Variants in PDE4D observed in about 807,000 individuals in gnomAD.
The protein encoded by PDE4D is phosphodiesterase 4D.
Under a neutral mutation model 87.4 loss-of-function variants are expected in PDE4D, and 24 were observed. The observed-to-expected ratio is 0.27, with a 90% CI of 0.20 to 0.39. The LOEUF is 0.39. Among genes scored for constraint, PDE4D ranks in the 10% least tolerant of loss-of-function variants. The pLI is 1.00. For synonymous variants in PDE4D, 384 were observed against 383.2 expected (o/e 1.00, Z -0.02); for missense variants, 714 against 1,041.0 (o/e 0.69, Z 4.32).
intron 3 of PDE4D, among the ~76,000 whole-genome samples, chr5:59,941,136 C>T (rs1324295394): frequency 6.6e-6 from 1 of 152,168 alleles, no homozygotes; most frequent in African/African-American, 2.4e-5. Context: ...ATTTCCTTCA[C>T]AGTCAGGTGA....
chr5:59,589,606 G>T (rs1359830666), intron 1 of PDE4D, among the ~76,000 whole-genome samples: 1 of 152,128 alleles, frequency 6.6e-6, no homozygotes, highest in Admixed American at 6.5e-5. Flanking sequence ...TCATTTATCT[G>T]ACATTATTTT....
At chr5:59,255,103 T>C (rs1185353247) in intron 1 of PDE4D, among the ~76,000 whole-genome samples, 4 of 152,104 alleles carry the variant, frequency 2.6e-5, no homozygotes, top group African/African-American at 9.7e-5. Context: ...CACAAAATCT[T>C]TTGCATAAAT....
At chr5:59,228,607 A>C (rs1398520425) in intron 1 of PDE4D, among the ~76,000 whole-genome samples, 2 of 152,076 alleles carry the variant, frequency 1.3e-5, no homozygotes, top group African/African-American at 4.8e-5. Context: ...CCAGCCACCC[A>C]CCCACATTTA....
chr5:59,653,162 G>A (rs1304748119), intron 1 of PDE4D, among the ~76,000 whole-genome samples: 2 of 150,028 alleles, frequency 1.3e-5, no homozygotes, highest in African/African-American at 4.9e-5. Flanking sequence ...CTACATAGAT[G>A]CATACTGAAC....
In PDE4D at chr5:58,992,003, A is replaced by G. The variant is rs1748022088; in HGVS notation, c.1017T>C (p.Asp339=). ...VSEFISNTFL[D]KQHEVEIPSP... is the part of the protein sequence containing the mutation. ...AAGGAATTTCCACTTCATGTTGCTTATCTTGAGAAATTTAGAAAATGTTCT... is the reference window on the plus strand; with the variant it reads ...AAGGAATTTCCACTTCATGTTGCTTGTCTTGAGAAATTTAGAAAATGTTCT... The change falls in exon 8 of 15, where the codon GAT becomes GAC. Residue 339 remains aspartate, a splice_region_variant and synonymous_variant. Transcript: ENST00000340635. 1 of 1,539,140 alleles carries G rather than the reference A, an allele frequency of 6.5e-7. No homozygotes were observed. The highest frequency in any genetic ancestry group is 1.4e-5 in the African/African-American group (1 of 71,990).
intron 5 of PDE4D, among the ~76,000 whole-genome samples, chr5:59,090,025 G>A (rs1159664095): frequency 2.6e-5 from 4 of 152,088 alleles, no homozygotes; most frequent in Non-Finnish European, 4.4e-5. Context: ...AAGCAAGAAG[G>A]TATGAAGTCT....
At chr5:59,087,929 GTA>G (rs1768010512) in intron 5 of PDE4D, among the ~76,000 whole-genome samples, 1 of 152,122 alleles carries the variant, frequency 6.6e-6, no homozygotes, top group African/African-American at 2.4e-5. Context: ...TCTTGAAATG[GTA>G]TGTGTGAACC....
At chr5:60,262,080 T>A (rs1258239765) in intron 1 of PDE4D, among the ~76,000 whole-genome samples, 1 of 152,076 alleles carries the variant, frequency 6.6e-6, no homozygotes, top group African/African-American at 2.4e-5. Flanking sequence ...ATAAGCAAGC[T>A]AAAGTCCTTC....
At chr5:59,443,306 C>G (rs1797905287) in intron 1 of PDE4D, among the ~76,000 whole-genome samples, 1 of 152,106 alleles carries the variant, frequency 6.6e-6, no homozygotes, top group Non-Finnish European at 1.5e-5. Context: ...ATGAATTTGA[C>G]AATCTGATCA....
intron 1 of PDE4D, among the ~76,000 whole-genome samples, chr5:60,493,201 T>C (rs1173087110): frequency 1.3e-5 from 2 of 152,102 alleles, no homozygotes; most frequent in East Asian, 3.8e-4. Flanking sequence ...ATTCATATGA[T>C]AGTTGGTACA....
chr5:60,041,835 C>T (rs1468603600), intron 2 of PDE4D, among the ~76,000 whole-genome samples: 3 of 152,144 alleles, frequency 2.0e-5, no homozygotes, highest in Non-Finnish European at 4.4e-5. Context: ...TGGGTTCCTA[C>T]ACCACCAGGA....
chr5:59,806,620 T>G (rs1767764287), intron 1 of PDE4D, among the ~76,000 whole-genome samples: 1 of 152,232 alleles, frequency 6.6e-6, no homozygotes, highest in Non-Finnish European at 1.5e-5. Context: ...TCAAGTTTAT[T>G]ATTTCTTGAA....
chr5:60,382,773 T>C (rs1270678170), intron 1 of PDE4D, among the ~76,000 whole-genome samples: 1 of 152,196 alleles, frequency 6.6e-6, no homozygotes, highest in African/African-American at 2.4e-5. Flanking sequence ...AATACATGTT[T>C]ATGGCTATCT....
At chr5:59,273,135 A>G (rs571355127) in intron 1 of PDE4D, among the ~76,000 whole-genome samples, 1 of 152,284 alleles carries the variant, frequency 6.6e-6, no homozygotes, top group African/African-American at 2.4e-5. Flanking sequence ...AAAAGAGATA[A>G]ATGGCAAAGT....
chr5:59,782,739 G>T (rs1399650164), intron 1 of PDE4D, among the ~76,000 whole-genome samples: 1 of 152,152 alleles, frequency 6.6e-6, no homozygotes, highest in African/African-American at 2.4e-5. Context: ...TACAGTTTAT[G>T]CATTCATTTA....
At chr5:59,557,830 A>G (rs1050781485) in intron 1 of PDE4D, among the ~76,000 whole-genome samples, 1 of 152,242 alleles carries the variant, frequency 6.6e-6, no homozygotes, top group African/African-American at 2.4e-5. Context: ...GGAAGAAAGT[A>G]TAAACAGAAA....
chr5:60,155,852 A>T (rs1781927804), intron 2 of PDE4D, among the ~76,000 whole-genome samples: 1 of 152,220 alleles, frequency 6.6e-6, no homozygotes, highest in South Asian at 2.1e-4. Context: ...TAGTTCACAT[A>T]GCTTTTCATT....
chr5:60,204,876 A>G (rs1388560229), intron 1 of PDE4D, among the ~76,000 whole-genome samples: 2 of 152,156 alleles, frequency 1.3e-5, no homozygotes, highest in African/African-American at 4.8e-5. Context: ...ACTCCCCCAT[A>G]AGGTGGGGAT....
chr5:60,390,527 G>C (rs1164371168), intron 1 of PDE4D, among the ~76,000 whole-genome samples: 2 of 151,876 alleles, frequency 1.3e-5, no homozygotes, highest in Non-Finnish European at 2.9e-5. Context: ...TAATTAAAAT[G>C]ACTGATCCAT....
Sources: gnomAD v4.1 joint callset for allele counts (sites outside exome capture counted in the v4.1 genomes callset) on GRCh38, gnomAD v4.1.1 for gene constraint, MANE v1.5 for transcripts, NCBI Gene and HGNC (gene_info 2026-07-23, HGNC 2026-07-21) for gene names.